Variants in CCDC73 observed in about 807,000 individuals in gnomAD.
CCDC73 encodes the protein coiled-coil domain-containing protein 73.
In CCDC73, 95 loss-of-function variants were observed where a neutral mutation model predicts 116.5. The ratio of observed to expected loss-of-function variants is 0.82; its 90% confidence interval spans 0.69 to 0.97. The LOEUF (loss-of-function observed/expected upper bound fraction) is 0.97, where lower values mean the gene tolerates loss of function less well. Ranked by LOEUF, CCDC73 falls within the 50% of genes least tolerant of loss-of-function variation. The pLI is 0.00. For synonymous variants in CCDC73, 398 were observed against 401.3 expected (o/e 0.99, Z 0.10); for missense variants, 1,066 against 1,206.8 (o/e 0.88, Z 1.73).
chr11:32,731,731 A>G (rs1050007398), intron 2 of CCDC73, among the ~76,000 whole-genome samples: 4 of 152,056 alleles, frequency 2.6e-5, no homozygotes, highest in Admixed American at 2.0e-4. Context: ...ACTAACAAAC[A>G]GGACATCCAC....
At chr11:32,607,383 C>T (rs1031715729) in intron 17 of CCDC73, among the ~76,000 whole-genome samples, 3 of 152,070 alleles carry the variant, frequency 2.0e-5, no homozygotes, top group South Asian at 2.1e-4. Flanking sequence ...TGAGCCACCG[C>T]GCCCGGCCCA....
At chr11:32,695,213 A>G (rs1436476138) in intron 6 of CCDC73, among the ~76,000 whole-genome samples, 1 of 152,138 alleles carries the variant, frequency 6.6e-6, no homozygotes, top group Non-Finnish European at 1.5e-5. Context: ...TCCTAAAAAT[A>G]CAAAAATTAG....
At chr11:32,715,602 GTTTAT>G (rs1184961135) in intron 3 of CCDC73, among the ~76,000 whole-genome samples, 1 of 151,802 alleles carries the variant, frequency 6.6e-6, no homozygotes, top group Non-Finnish European at 1.5e-5. Context: ...AATAATAATA[GTTTAT>G]TTTATTTTCC....
At chr11:32,669,497 T>C (rs1243413540) in intron 9 of CCDC73, among the ~76,000 whole-genome samples, 2 of 152,184 alleles carry the variant, frequency 1.3e-5, no homozygotes, top group Non-Finnish European at 2.9e-5. Context: ...TTTTTAAATA[T>C]ACAATTATCA....
intron 1 of CCDC73, among the ~76,000 whole-genome samples, chr11:32,763,554 C>G (rs1850411530): frequency 6.6e-6 from 1 of 152,174 alleles, no homozygotes; most frequent in East Asian, 1.9e-4. Context: ...GCTGAGGGTC[C>G]TGACTGTTAG....
At position 32,761,569 on chromosome 11, in the gene CCDC73, T is replaced by C. The variant is rs540904068; in HGVS notation, c.-15-1311A>G. Among the ~76,000 whole-genome samples, 12 of 152,300 alleles carry C rather than the reference T, an allele frequency of 7.9e-5. No individual in the cohort carries two copies. The South Asian group carries it at 2.3e-3, about 29-fold the overall frequency. ...TCCATTCCCACTGGCAATGTACAAG[T>C]AATACAGTTTCTCCAAATTTCCACC... is the stretch of plus-strand genomic sequence containing the variant. On this transcript the variant is annotated intron_variant, in intron 1 of 17. Coordinates refer to ENST00000335185, the MANE Select transcript of CCDC73 (RefSeq NM_001008391.4).
At chr11:32,697,932 C>T (rs1341043045) in intron 6 of CCDC73, among the ~76,000 whole-genome samples, 1 of 150,814 alleles carries the variant, frequency 6.6e-6, no homozygotes, top group African/African-American at 2.4e-5. Flanking sequence ...CCAATAGGTC[C>T]TTTTTTGATC....
intron 2 of CCDC73, among the ~76,000 whole-genome samples, chr11:32,719,521 G>A (rs895879683): frequency 6.6e-6 from 1 of 152,120 alleles, no homozygotes; most frequent in African/African-American, 2.4e-5. Flanking sequence ...AAAGTGAGAA[G>A]AGTCTGATTT....
chr11:32,603,604 G>A (rs1855305859), intron 17 of CCDC73: 1 of 151,964 alleles, frequency 6.6e-6, no homozygotes, highest in Non-Finnish European at 1.5e-5. Context: ...AGTTTCTTAG[G>A]TCATTAAAAA....
At chr11:32,715,759 A>G (rs938777795) in intron 3 of CCDC73, among the ~76,000 whole-genome samples, 1 of 152,122 alleles carries the variant, frequency 6.6e-6, no homozygotes, top group African/African-American at 2.4e-5. Flanking sequence ...CCCAGTAAAT[A>G]TAAGACTATA....
At chr11:32,696,898 T>G (rs1442821583) in intron 6 of CCDC73, among the ~76,000 whole-genome samples, 1 of 151,420 alleles carries the variant, frequency 6.6e-6, no homozygotes, top group East Asian at 1.9e-4. Context: ...GGCCTGATCA[T>G]GGCTCACAGC....
At chr11:32,765,480 C>T (rs886838358) in intron 1 of CCDC73, among the ~76,000 whole-genome samples, 12 of 152,174 alleles carry the variant, frequency 7.9e-5, no homozygotes, top group African/African-American at 2.7e-4. Flanking sequence ...TGCTCGACCA[C>T]GTGGAAACTG....
chr11:32,720,274 C>CA (rs1565084397), intron 2 of CCDC73, among the ~76,000 whole-genome samples: 2 of 152,148 alleles, frequency 1.3e-5, no homozygotes, highest in African/African-American at 4.8e-5. Context: ...ATACGCTAAT[C>CA]ATATGATCGC....
chr11:32,827,274 TTC>T, the CCDC73 span, among the ~76,000 whole-genome samples: 1 of 152,202 alleles, frequency 6.6e-6, no homozygotes, highest in Admixed American at 6.5e-5. Flanking sequence ...CTTTTCTCAT[TTC>T]TCTCTTTGCC....
intron 1 of CCDC73, among the ~76,000 whole-genome samples, chr11:32,783,641 T>A (rs1412652079): frequency 6.6e-6 from 1 of 151,520 alleles, no homozygotes; most frequent in Non-Finnish European, 1.5e-5. Flanking sequence ...TTTATTTTTA[T>A]TTTTTTTTCC....
intron 3 of CCDC73, among the ~76,000 whole-genome samples, chr11:32,706,945 T>C (rs1456495014): frequency 6.6e-6 from 1 of 152,184 alleles, no homozygotes; most frequent in Non-Finnish European, 1.5e-5. Flanking sequence ...CATAATCAGA[T>C]CGTAGCTAAT....
chr11:32,824,277 T>C, the CCDC73 span, among the ~76,000 whole-genome samples: 267 of 152,342 alleles, frequency 1.8e-3, 1 homozygote, highest in African/African-American at 5.9e-3. Flanking sequence ...GAAAAACTTA[T>C]AAAATATATA....
intron 14 of CCDC73, 68 bp downstream of exon 14, chr11:32,635,628 G>GA (rs1311224518): frequency 5.0e-6 from 6 of 1,195,218 alleles, no homozygotes; most frequent in African/African-American, 4.7e-5. Context: ...ATAAAACAGG[G>GA]AAAAAAATCA....
At chr11:32,804,409 G>A in the CCDC73 span, among the ~76,000 whole-genome samples, 3 of 152,228 alleles carry the variant, frequency 2.0e-5, no homozygotes, top group African/African-American at 7.2e-5. Context: ...GGGTTTACAG[G>A]TGTGAGCCAC....
Sources: allele counts gnomAD v4.1 joint callset (sites outside exome capture counted in the v4.1 genomes callset), GRCh38; gene constraint gnomAD v4.1.1; transcripts MANE v1.5; gene names NCBI Gene and HGNC (gene_info 2026-07-23, HGNC 2026-07-21).